The following DENND4A variants were observed in gnomAD, a reference collection of about 807,000 sequenced individuals.
The protein encoded by DENND4A is C-myc promoter-binding protein.
DENND4A carries 70 observed loss-of-function variants against 199.3 expected under a neutral mutation model. The ratio of observed to expected loss-of-function variants is 0.35; its 90% CI spans 0.29 to 0.43. The LOEUF (loss-of-function observed/expected upper bound fraction) is 0.43, where lower values mean the gene tolerates loss of function less well. Ranked by LOEUF, DENND4A falls within the 20% of genes least tolerant of loss-of-function variation. The pLI is 1.00. For missense variants in DENND4A, 1,723 were observed against 2,255.8 expected (o/e 0.76, Z 4.78); for synonymous variants, 686 against 766.9 (o/e 0.89, Z 1.74).
At chr15:65,710,788 C>T (rs1460230242) in intron 14 of DENND4A, among the ~76,000 whole-genome samples, 1 of 152,124 alleles carries the variant, frequency 6.6e-6, no homozygotes, top group Non-Finnish European at 1.5e-5. Flanking sequence ...GGGACAAATC[C>T]CTCATAGCTT....
chr15:65,679,352 C>G (rs569387410), intron 23 of DENND4A, among the ~76,000 whole-genome samples: 1 of 149,452 alleles, frequency 6.7e-6, no homozygotes. Context: ...CCGCCCGCCT[C>G]GGCCTCCCAA....
At chr15:65,721,765 T>C (rs2075653501) in intron 12 of DENND4A, among the ~76,000 whole-genome samples, 1 of 151,942 alleles carries the variant, frequency 6.6e-6, no homozygotes, top group Admixed American at 6.6e-5. Context: ...AGCTACATCT[T>C]AAGGAGTCAA....
intron 23 of DENND4A, among the ~76,000 whole-genome samples, chr15:65,683,206 C>A (rs188931526): frequency 4.6e-5 from 7 of 152,162 alleles, no homozygotes; most frequent in African/African-American, 1.7e-4. Flanking sequence ...GACCTGCCTA[C>A]GCTAGGCTTT....
intron 14 of DENND4A, among the ~76,000 whole-genome samples, chr15:65,710,746 AG>A (rs2075224161): frequency 6.6e-6 from 1 of 152,148 alleles, no homozygotes; most frequent in Non-Finnish European, 1.5e-5. Context: ...CCAATGTTGG[AG>A]GTGGGGCCTG....
rs2075809631 is a variant in DENND4A, at chr15:65,660,171, A to G, written c.*1680T>C. On this transcript the variant is annotated 3_prime_UTR_variant, in exon 33 of 33. Transcript: ENST00000443035. ...AGAATAATATTGGAGTGGTATTTAC[A>G]AAGGAGAGGCAGATATATGTGCCTA... 1 of 711,338 alleles carries G rather than the reference A, an allele frequency of 1.4e-6. No individual in the cohort carries two copies. 44.1% of individuals were successfully genotyped at this position (711,338 alleles called of 1,614,324 possible).
chr15:65,748,100 A>G (rs1455247165), intron 4 of DENND4A, among the ~76,000 whole-genome samples: 1 of 151,352 alleles, frequency 6.6e-6, no homozygotes, highest in Non-Finnish European at 1.5e-5. Flanking sequence ...CACTTCAGAA[A>G]AAGGAACATG....
chr15:65,696,272 C>A, intron 22 of DENND4A, 94 bp downstream of exon 22: 1 of 1,444,382 alleles, frequency 6.9e-7, no homozygotes, highest in South Asian at 1.4e-5. Context: ...TTAAAATCAC[C>A]TTGGAGAATT....
intron 1 of DENND4A, among the ~76,000 whole-genome samples, chr15:65,766,255 A>AAG (rs1394997104): frequency 1.3e-5 from 2 of 151,880 alleles, no homozygotes; most frequent in Non-Finnish European, 2.9e-5. Context: ...CACCTCAAAA[A>AAG]AAAAAAAAAA....
Position 65,702,465 on chromosome 15 carries a change from G to A in DENND4A, c.2270C>T (p.Pro757Leu). The change falls in exon 17 of 33, where the codon CCT becomes CTT. Residue 757 changes from proline to leucine, a missense_variant. Pro to Leu is a moderately conservative substitution (Grantham distance 98). Coordinates refer to ENST00000443035, the MANE Select transcript of DENND4A (RefSeq NM_001320835.1). ...HKIAKRYSSIPQMWSRCLLRH... is the reference protein window; with the variant it reads ...HKIAKRYSSILQMWSRCLLRH... Reference sequence around the variant, plus strand: ...CAGTAGACACCTAGACCACATCTGAGGGATGGAAGAGTACCTCTTTGCAAT... The same window carrying A: ...CAGTAGACACCTAGACCACATCTGAAGGATGGAAGAGTACCTCTTTGCAAT... 1 of 1,597,990 alleles carries A rather than the reference G, an allele frequency of 6.3e-7. No homozygotes were observed. The highest frequency in any genetic ancestry group is 8.5e-7 in the Non-Finnish European group (1 of 1,172,098).
intron 20 of DENND4A, among the ~76,000 whole-genome samples, chr15:65,698,483 A>C (rs534821145): frequency 1.3e-5 from 2 of 152,134 alleles, no homozygotes; most frequent in Admixed American, 6.6e-5. Context: ...GTAAAACGTA[A>C]GGTTGTTATT....
intron 23 of DENND4A, among the ~76,000 whole-genome samples, chr15:65,679,859 A>T (rs1394046532): frequency 6.6e-6 from 1 of 152,126 alleles, no homozygotes; most frequent in Non-Finnish European, 1.5e-5. Flanking sequence ...AGGGCGACCA[A>T]ACAAAGGAAG....
Position 65,701,757 on chromosome 15 carries a change from T to A in DENND4A, c.2559+5A>T, listed in dbSNP as rs751022761. On this transcript the variant is annotated splice_donor_5th_base_variant and intron_variant, in intron 18 of 32. Coordinates refer to ENST00000443035, the MANE Select transcript of DENND4A (RefSeq NM_001320835.1). ...ACTCTTTATCCATTAAACCAAGGTA[T>A]TTACCTTATTATAATAACCATAAGT... The A allele has an allele frequency of 2.5e-6, 4 of 1,613,056 alleles. No homozygotes were observed. The South Asian group carries it at 4.4e-5, about 18-fold the overall frequency.
At chr15:65,735,858 G>A (rs186557578) in intron 7 of DENND4A, among the ~76,000 whole-genome samples, 39 of 152,190 alleles carry the variant, frequency 2.6e-4, no homozygotes, top group African/African-American at 8.2e-4. Flanking sequence ...CTAGGAGGCC[G>A]AGGCAGGTGT....
intron 1 of DENND4A, among the ~76,000 whole-genome samples, chr15:65,776,557 T>A (rs1219650502): frequency 6.6e-6 from 1 of 152,204 alleles, no homozygotes; most frequent in East Asian, 1.9e-4. Flanking sequence ...GAAAGTCTAT[T>A]TACCTACACA....
chr15:65,680,588 C>T (rs1192688644), intron 23 of DENND4A: 2 of 152,100 alleles, frequency 1.3e-5, no homozygotes, highest in African/African-American at 4.8e-5. Flanking sequence ...CATTGAGAGA[C>T]ATTAAATTCT....
rs1433371908 is a variant in DENND4A at position 65,663,195 on chromosome 15, TATA to T, written c.5587+1132_5587+1134del. Among the ~76,000 whole-genome samples, 389 of 120,252 alleles carry T rather than the reference TATA, an allele frequency of 3.2e-3. 7 individuals are homozygous for T. Among genetic ancestry groups the T allele is most frequent in the African/African-American group, 0.012 (344 of 27,888 alleles). 78.9% of individuals were successfully genotyped at this position (120,252 alleles called of 152,430 possible). The stretch of plus-strand genomic sequence containing the variant: ...GTGTGTGTATATATATATATATATA[TATA>T]TTTTTTTTTTTTTATTTTTTTTTTT... On this transcript the variant is annotated intron_variant, in intron 32 of 32. Transcript: ENST00000443035.
chr15:65,696,063 T>C (rs2142122391), intron 22 of DENND4A, among the ~76,000 whole-genome samples: 1 of 152,270 alleles, frequency 6.6e-6, no homozygotes, highest in South Asian at 2.1e-4. Context: ...ACTAGGTGTA[T>C]GGTACCCTCA....
chr15:65,661,788 A>G lies in DENND4A; in HGVS notation c.*63T>C. ...TTGAAGAAAAAATATTTAGAGTCTA[A>G]AAGTGTTATTTTATACACTGACTAT... On this transcript the variant is annotated 3_prime_UTR_variant, in exon 33 of 33. Coordinates refer to ENST00000443035, the MANE Select transcript of DENND4A (RefSeq NM_001320835.1). The G allele has an allele frequency of 7.3e-7, 1 of 1,378,412 alleles. No homozygotes were observed. Among genetic ancestry groups the G allele is most frequent in the Middle Eastern group, 1.8e-4 (1 of 5,422 alleles). The allele number at this position is 1,378,412 out of a possible 1,614,324, so 85.4% of individuals were successfully genotyped here. A position where few individuals can be genotyped will look rare whatever the true frequency, so the allele number is the denominator to read the frequency against.
chr15:65,769,590 T>C (rs1175794218), intron 1 of DENND4A, among the ~76,000 whole-genome samples: 2 of 152,202 alleles, frequency 1.3e-5, no homozygotes, highest in African/African-American at 4.8e-5. Flanking sequence ...ATTCAAATAA[T>C]TTGATGTAAA....
Sources: allele counts gnomAD v4.1 joint callset (sites outside exome capture counted in the v4.1 genomes callset), GRCh38; gene constraint gnomAD v4.1.1; transcripts MANE v1.5; gene names NCBI Gene and HGNC (gene_info 2026-07-23, HGNC 2026-07-21).